The following TTC23 variants were observed in gnomAD, a reference collection of about 807,000 sequenced individuals.
TTC23 encodes the protein tetratricopeptide repeat protein 23.
Under a neutral mutation model 55.1 loss-of-function variants are expected in TTC23, and 58 were observed. That is an observed-to-expected ratio of 1.05 (90% CI 0.85 to 1.31). The LOEUF (loss-of-function observed/expected upper bound fraction) is 1.31, where lower values mean the gene tolerates loss of function less well. Ranked by LOEUF, TTC23 falls within the 50% of genes most tolerant of loss-of-function variation. TTC23 has a pLI of 0.00. For missense variants in TTC23, 516 were observed against 534.4 expected (o/e 0.97, Z 0.34); for synonymous variants, 203 against 199.9 (o/e 1.02, Z -0.13).
chr15:99,162,654 A>C (rs185297650), intron 10 of TTC23, among the ~76,000 whole-genome samples: 2 of 152,320 alleles, frequency 1.3e-5, no homozygotes, highest in African/African-American at 2.4e-5. Flanking sequence ...TGTGGCCGGC[A>C]GAATTCTAAG....
chr15:99,188,557 C>T (rs1191616903), intron 9 of TTC23, among the ~76,000 whole-genome samples: 1 of 151,716 alleles, frequency 6.6e-6, no homozygotes, highest in Non-Finnish European at 1.5e-5. Flanking sequence ...ATGTCATAAA[C>T]AAAGGGGCAA....
Position 99,200,060 on chromosome 15 carries a change from C to G in TTC23, c.618G>C (p.Leu206Phe). The change falls in exon 9 of 14, where the codon TTG becomes TTC. Residue 206 changes from leucine (L) to phenylalanine (F), a missense_variant. Coordinates refer to ENST00000394132, the MANE Select transcript of TTC23 (RefSeq NM_001288615.3). ...ATTCCAAAGCTGCTTGATAGTGGGA[C>G]AAAGCTTCTTTTGACTTCTTCTGAC... ...YQGQKKSKEA[L>F]SHYQAALEYV... 1 of 1,611,912 alleles carries G rather than the reference C, an allele frequency of 6.2e-7. No individual in the cohort carries two copies.
At chr15:99,196,089 C>G (rs2075680072) in intron 9 of TTC23, among the ~76,000 whole-genome samples, 1 of 150,318 alleles carries the variant, frequency 6.7e-6, no homozygotes, top group Non-Finnish European at 1.5e-5. Context: ...GAGGCGAAGG[C>G]TGCAGTGAGC....
At chr15:99,218,550 C>T (rs995776125) in intron 8 of TTC23, 38 bp downstream of exon 8, 24 of 1,612,706 alleles carry the variant, frequency 1.5e-5, no homozygotes, top group African/African-American at 2.7e-5. Context: ...AAGAGCCTCC[C>T]GCCATCATGT....
At chr15:99,161,947 T>C in intron 10 of TTC23, 80 bp from the exon 11 acceptor site, 3 of 1,439,528 alleles carry the variant, frequency 2.1e-6, no homozygotes, top group Non-Finnish European at 2.8e-6. Context: ...CTGTTAGCAG[T>C]GTTGAGCTAT....
At chr15:99,227,310 C>T (rs893361591) in intron 5 of TTC23, among the ~76,000 whole-genome samples, 13 of 152,190 alleles carry the variant, frequency 8.5e-5, no homozygotes, top group African/African-American at 1.9e-4. Context: ...CTCACATCTC[C>T]ATTCCCTATG....
At chr15:99,163,535 G>C (rs2071664805) in intron 10 of TTC23, among the ~76,000 whole-genome samples, 1 of 152,184 alleles carries the variant, frequency 6.6e-6, no homozygotes, top group Non-Finnish European at 1.5e-5. Context: ...AGAACTGCAA[G>C]GTAATAAATG....
At chr15:99,213,499 T>C (rs1448035019) in intron 8 of TTC23, among the ~76,000 whole-genome samples, 1 of 152,224 alleles carries the variant, frequency 6.6e-6, no homozygotes, top group Admixed American at 6.5e-5. Context: ...ACTGATATAT[T>C]AGGTCTCAAC....
intron 2 of TTC23, among the ~76,000 whole-genome samples, chr15:99,244,760 A>G (rs1014674643): frequency 6.6e-6 from 1 of 152,146 alleles, no homozygotes; most frequent in African/African-American, 2.4e-5. Context: ...GTTTTTTTGC[A>G]GAAATTAACA....
At chr15:99,181,179 C>G (rs1320294494) in intron 9 of TTC23, among the ~76,000 whole-genome samples, 1 of 152,212 alleles carries the variant, frequency 6.6e-6, no homozygotes, top group Non-Finnish European at 1.5e-5. Context: ...AAACTGCATA[C>G]TTTTCCAGTC....
At chr15:99,222,126 G>T (rs1378782083) in intron 5 of TTC23, among the ~76,000 whole-genome samples, 1 of 152,112 alleles carries the variant, frequency 6.6e-6, no homozygotes, top group Admixed American at 6.5e-5. Flanking sequence ...AAAAGAAATA[G>T]AATTTAAAAA....
At position 99,228,714 on chromosome 15, in the gene TTC23, T is replaced by G; in HGVS notation, c.-2A>C. On this transcript the variant is annotated 5_prime_UTR_variant, in exon 5 of 14. Coordinates refer to ENST00000394132, the MANE Select transcript of TTC23 (RefSeq NM_001288615.3). ...GTGGGTTTCCTGTGATTCTTGCATA[T>G]TTTTATATACATTGTCTTCTAATTT... The G allele has an allele frequency of 1.3e-6, 2 of 1,584,824 alleles. No homozygotes were observed. The highest frequency in any genetic ancestry group is 2.2e-5 in the East Asian group (1 of 44,572).
At chr15:99,180,586 A>C (rs1353299935) in intron 9 of TTC23, among the ~76,000 whole-genome samples, 2 of 152,224 alleles carry the variant, frequency 1.3e-5, no homozygotes, top group Non-Finnish European at 2.9e-5. Flanking sequence ...ATGACTAGTG[A>C]AAAGGATGAG....
intron 6 of TTC23, among the ~76,000 whole-genome samples, chr15:99,221,505 TAAAAAC>T (rs1024165183): frequency 5.9e-5 from 9 of 152,104 alleles, no homozygotes; most frequent in South Asian, 2.1e-4. Context: ...TTTGAAATCA[TAAAAAC>T]AAAAACAAAA....
chr15:99,224,944 G>A (rs1309081772), intron 5 of TTC23, among the ~76,000 whole-genome samples: 1 of 152,116 alleles, frequency 6.6e-6, no homozygotes, highest in East Asian at 1.9e-4. Context: ...ATTGCCTCTA[G>A]ACACAGGAAG....
At chr15:99,217,816 T>A (rs1030925192) in intron 8 of TTC23, among the ~76,000 whole-genome samples, 2 of 152,232 alleles carry the variant, frequency 1.3e-5, no homozygotes, top group African/African-American at 4.8e-5. Context: ...TCCTAGCACC[T>A]TTCTTAAAAT....
chr15:99,192,988 C>T (rs758243212), intron 9 of TTC23, among the ~76,000 whole-genome samples: 43 of 152,188 alleles, frequency 2.8e-4, no homozygotes, highest in Non-Finnish European at 5.4e-4. Flanking sequence ...GATTTGACTG[C>T]CCTGTTGGAT....
intron 12 of TTC23, among the ~76,000 whole-genome samples, chr15:99,154,383 C>T (rs958471832): frequency 3.3e-5 from 5 of 152,136 alleles, no homozygotes; most frequent in Admixed American, 6.5e-5. Flanking sequence ...AATGCAACAC[C>T]GTTGAGAGAT....
intron 5 of TTC23, among the ~76,000 whole-genome samples, chr15:99,226,291 G>A (rs1755843258): frequency 6.6e-6 from 1 of 150,934 alleles, no homozygotes; most frequent in Admixed American, 6.6e-5. Flanking sequence ...ACTGTACTGT[G>A]GCCATGTAAG....
Sources: gnomAD v4.1 joint callset for allele counts (sites outside exome capture counted in the v4.1 genomes callset) on GRCh38, gnomAD v4.1.1 for gene constraint, MANE v1.5 for transcripts, NCBI Gene and HGNC (gene_info 2026-07-23, HGNC 2026-07-21) for gene names.